The following GNAL variants were observed in gnomAD, a reference collection of about 807,000 sequenced individuals.
GNAL encodes the protein guanine nucleotide-binding protein G(olf) subunit alpha.
Under a neutral mutation model 55.1 loss-of-function variants are expected in GNAL, and 18 were observed. That is an observed-to-expected ratio of 0.33 (90% CI 0.23 to 0.48). The LOEUF (loss-of-function observed/expected upper bound fraction) is 0.48. Ranked by LOEUF, GNAL falls within the 20% of genes least tolerant of loss-of-function variation. GNAL has a pLI of 0.99. For missense variants in GNAL, 412 were observed against 614.1 expected (o/e 0.67, Z 3.48); for synonymous variants, 253 against 237.0 (o/e 1.07, Z -0.62).
chr18:11,876,915 C>A (rs1204076079), intron 11 of GNAL, among the ~76,000 whole-genome samples: 1 of 152,164 alleles, frequency 6.6e-6, no homozygotes, highest in Non-Finnish European at 1.5e-5. Context: ...TGGGTGAGAA[C>A]ACAGCGTTCC....
At position 11,885,401 on chromosome 18, in the gene GNAL, T is replaced by A; in HGVS notation, c.*4266T>A. On this transcript the variant is annotated 3_prime_UTR_variant, in exon 12 of 12. Transcript: ENST00000334049. ...TTTAGAAAATTAAACACACACAGAG[T>A]GTAAGAGGAGAGGATACGGCCCTCC... The A allele has an allele frequency of 2.2e-6, 1 of 449,582 alleles. No individual in the cohort carries two copies. The highest frequency in any genetic ancestry group is 4.0e-6 in the Non-Finnish European group (1 of 249,918). The allele number at this position is 449,582 out of a possible 1,614,324, so 27.8% of individuals were successfully genotyped here.
chr18:11,861,147 C>T (rs901441997), intron 5 of GNAL, among the ~76,000 whole-genome samples: 1 of 152,304 alleles, frequency 6.6e-6, no homozygotes, highest in East Asian at 1.9e-4. Context: ...GCATGGCAGG[C>T]AGGGAGCCAG....
intron 1 of GNAL, among the ~76,000 whole-genome samples, chr18:11,694,582 G>A (rs918189620): frequency 6.6e-6 from 1 of 152,186 alleles, no homozygotes; most frequent in African/African-American, 2.4e-5. Context: ...AAGGAATCAT[G>A]GGGTCCAAAC....
Position 11,875,266 on chromosome 18 carries a change from C to T in GNAL, c.1163-1355C>T, listed in dbSNP as rs2036503994. The stretch of plus-strand genomic sequence containing the variant: ...CTGGAGGCTCCGAGCTTTCCTCTCC[C>T]AACAGCTCTGCAGGGAGGGCAGCTC... On this transcript the variant is annotated intron_variant, in intron 10 of 11. Coordinates refer to ENST00000334049, the MANE Select transcript of GNAL (RefSeq NM_182978.4). Among the ~76,000 whole-genome samples the T allele has an allele frequency of 2.0e-5, 3 of 152,126 alleles. No homozygotes were observed. The South Asian group carries it at 6.2e-4, about 32-fold the overall frequency.
chr18:11,754,998 ATG>A (rs59291287), intron 4 of GNAL, among the ~76,000 whole-genome samples: 97,679 of 149,020 alleles, frequency 0.66, 34,590 homozygotes, highest in East Asian at 0.81. Context: ...GTGAGTGTGT[ATG>A]TGTGTGTGTG....
At chr18:11,703,834 C>G (rs923283385) in intron 1 of GNAL, among the ~76,000 whole-genome samples, 10 of 145,236 alleles carry the variant, frequency 6.9e-5, no homozygotes, top group East Asian at 2.1e-4. Context: ...CACACACACA[C>G]AGTGAAGTGC....
At chr18:11,768,806 A>G (rs903539982) in intron 4 of GNAL, among the ~76,000 whole-genome samples, 4 of 147,130 alleles carry the variant, frequency 2.7e-5, no homozygotes, top group African/African-American at 7.5e-5. Context: ...AGGCAGGAGA[A>G]TGGTGTGAAC....
intron 5 of GNAL, among the ~76,000 whole-genome samples, chr18:11,847,138 A>G (rs1160778501): frequency 4.6e-5 from 7 of 152,020 alleles, no homozygotes; most frequent in African/African-American, 7.2e-5. Context: ...CCTACATTCA[A>G]CAGAAATTTA....
intron 1 of GNAL, among the ~76,000 whole-genome samples, chr18:11,731,725 C>G (rs2143443705): frequency 6.6e-6 from 1 of 152,232 alleles, no homozygotes; most frequent in Middle Eastern, 3.4e-3. Flanking sequence ...AGCATATTCA[C>G]AAGGCCGTGG....
At chr18:11,699,830 G>A (rs1426444114) in intron 1 of GNAL, among the ~76,000 whole-genome samples, 1 of 152,168 alleles carries the variant, frequency 6.6e-6, no homozygotes, top group Non-Finnish European at 1.5e-5. Flanking sequence ...GGGAACCCTA[G>A]TGTAGCCCTT....
At chr18:11,795,568 A>T (rs1296769477) in intron 4 of GNAL, among the ~76,000 whole-genome samples, 1 of 152,172 alleles carries the variant, frequency 6.6e-6, no homozygotes, top group African/African-American at 2.4e-5. Context: ...GCGACAGAAG[A>T]GCAGATGTAG....
At chr18:11,696,366 A>G (rs1364444293) in intron 1 of GNAL, among the ~76,000 whole-genome samples, 2 of 151,916 alleles carry the variant, frequency 1.3e-5, no homozygotes, top group Non-Finnish European at 1.5e-5. Context: ...TTAGCCAGGC[A>G]TGGTGGCGGG....
chr18:11,772,449 G>A (rs981683054), intron 4 of GNAL, among the ~76,000 whole-genome samples: 15 of 152,102 alleles, frequency 9.9e-5, no homozygotes, highest in African/African-American at 3.1e-4. Context: ...CCCCAGTGCC[G>A]TCCTGTTCCA....
chr18:11,807,225 C>CA (rs768446948), intron 4 of GNAL, among the ~76,000 whole-genome samples: 82 of 152,068 alleles, frequency 5.4e-4, no homozygotes, highest in Non-Finnish European at 9.7e-4. Flanking sequence ...GACATGGTCT[C>CA]ATTCTTTTTA....
chr18:11,699,486 A>C (rs1352034212), intron 1 of GNAL, among the ~76,000 whole-genome samples: 1 of 151,248 alleles, frequency 6.6e-6, no homozygotes, highest in Non-Finnish European at 1.5e-5. Context: ...AAGTTCTGGG[A>C]TTACAGGCGT....
intron 5 of GNAL, among the ~76,000 whole-genome samples, chr18:11,842,511 C>T (rs1299288294): frequency 1.3e-5 from 2 of 151,868 alleles, no homozygotes; most frequent in East Asian, 3.9e-4. Flanking sequence ...GACCCCTGAG[C>T]TTGTTTTCCT....
At position 11,768,986 on chromosome 18, in the gene GNAL, T is replaced by A. The variant is rs1396918422; in HGVS notation, c.624+15041T>A. 1.3e-4 allele frequency among the ~76,000 whole-genome samples: 12 copies of A among 93,910 alleles called. 2 individuals carry two copies. Among genetic ancestry groups the A allele is most frequent in the Admixed American group, 5.8e-4 (5 of 8,554 alleles). 61.6% of individuals were successfully genotyped at this position (93,910 alleles called of 152,430 possible). A position where few individuals can be genotyped will look rare whatever the true frequency, so the allele number is the denominator to read the frequency against. On this transcript the variant is annotated intron_variant, in intron 4 of 11. Coordinates refer to ENST00000334049, the MANE Select transcript of GNAL (RefSeq NM_182978.4). ...ATAATATATTATATATATTATATATTCTATATTATAATATAGAATATATAT... is the reference window on the plus strand; with the variant it reads ...ATAATATATTATATATATTATATATACTATATTATAATATAGAATATATAT...
At chr18:11,796,063 A>G (rs375451138) in intron 4 of GNAL, among the ~76,000 whole-genome samples, 57 of 152,166 alleles carry the variant, frequency 3.7e-4, no homozygotes, top group Admixed American at 7.2e-4. Flanking sequence ...GGAGAATGCT[A>G]TGGCACTGGA....
chr18:11,747,641 G>T (rs2032719015), intron 1 of GNAL: 1 of 151,196 alleles, frequency 6.6e-6, no homozygotes, highest in African/African-American at 2.4e-5. Context: ...GGGTACTGGG[G>T]ATGGATAGGG....
Sources: gnomAD v4.1 joint callset for allele counts (sites outside exome capture counted in the v4.1 genomes callset) on GRCh38, gnomAD v4.1.1 for gene constraint, MANE v1.5 for transcripts, NCBI Gene and HGNC (gene_info 2026-07-23, HGNC 2026-07-21) for gene names.